Variants in EXOC4 observed in about 807,000 individuals in gnomAD.
The protein encoded by EXOC4 is SEC8-like 1.
EXOC4 carries 71 observed loss-of-function variants against 107.2 expected under a neutral mutation model. That is an observed-to-expected ratio of 0.66 (90% CI 0.55 to 0.81). The LOEUF (loss-of-function observed/expected upper bound fraction) is 0.81, where lower values mean the gene tolerates loss of function less well. Ranked by LOEUF, EXOC4 falls within the 30% of genes least tolerant of loss-of-function variation. The probability of loss-of-function intolerance (pLI) is 0.00; values close to 1 mark genes in which losing one functional copy is unlikely to be tolerated. For missense variants in EXOC4, 1,108 were observed against 1,189.6 expected (o/e 0.93, Z 1.01); for synonymous variants, 456 against 441.2 (o/e 1.03, Z -0.42).
chr7:134,082,740 A>T, the EXOC4 span, among the ~76,000 whole-genome samples: 1 of 152,096 alleles, frequency 6.6e-6, no homozygotes, highest in African/African-American at 2.4e-5. Flanking sequence ...TACCCGGCCT[A>T]CTACAACCTG....
At chr7:133,277,113 C>A (rs561093403) in intron 2 of EXOC4, among the ~76,000 whole-genome samples, 1 of 152,234 alleles carries the variant, frequency 6.6e-6, no homozygotes, top group South Asian at 2.1e-4. Flanking sequence ...AGGCATGCGC[C>A]ACCACGCCTG....
At chr7:133,606,496 T>TTTATTA (rs538187978) in intron 9 of EXOC4, among the ~76,000 whole-genome samples, 9 of 147,348 alleles carry the variant, frequency 6.1e-5, no homozygotes, top group African/African-American at 2.0e-4. Flanking sequence ...TTTGCTGCTG[T>TTTATTA]TTATTATTAT....
At chr7:133,565,182 A>G (rs1233686300) in intron 9 of EXOC4, among the ~76,000 whole-genome samples, 1 of 152,148 alleles carries the variant, frequency 6.6e-6, no homozygotes, top group African/African-American at 2.4e-5. Context: ...CTAATTCCCA[A>G]GGATTGGACA....
intron 2 of EXOC4, among the ~76,000 whole-genome samples, chr7:133,278,343 C>T (rs905870683): frequency 3.9e-5 from 6 of 152,166 alleles, no homozygotes; most frequent in African/African-American, 1.4e-4. Flanking sequence ...AGACAGACTA[C>T]AGACTATAAG....
intron 3 of EXOC4, chr7:133,290,805 T>TC (rs1320001056): frequency 6.6e-5 from 10 of 152,332 alleles, no homozygotes. Flanking sequence ...TTACAGAAAT[T>TC]CAACTCTAGC....
intron 14 of EXOC4, among the ~76,000 whole-genome samples, chr7:133,961,293 T>TTTTC (rs2116836189): frequency 7.2e-6 from 1 of 138,068 alleles, no homozygotes; most frequent in East Asian, 2.2e-4. Flanking sequence ...TTTTTTTTTT[T>TTTTC]TTTTTTTTTT....
At chr7:133,803,771 T>G (rs1224102558) in intron 10 of EXOC4, among the ~76,000 whole-genome samples, 1 of 152,104 alleles carries the variant, frequency 6.6e-6, no homozygotes, top group Non-Finnish European at 1.5e-5. Context: ...TGATTTAGCC[T>G]TACAGGGGAT....
intron 9 of EXOC4, among the ~76,000 whole-genome samples, chr7:133,613,428 C>G (rs906735486): frequency 2.6e-5 from 4 of 152,100 alleles, no homozygotes; most frequent in Admixed American, 6.6e-5. Context: ...TGTGAGCAGT[C>G]CATCTCTCCA....
At chr7:133,987,024 AT>A (rs968689591) in intron 14 of EXOC4, among the ~76,000 whole-genome samples, 4 of 151,388 alleles carry the variant, frequency 2.6e-5, no homozygotes, top group Admixed American at 2.6e-4. Flanking sequence ...TCCTATTTTT[AT>A]TTTTTTTTAA....
At chr7:133,282,057 T>G (rs1393481416) in intron 2 of EXOC4, among the ~76,000 whole-genome samples, 1 of 152,222 alleles carries the variant, frequency 6.6e-6, no homozygotes, top group African/African-American at 2.4e-5. Context: ...TCCCCAGGCC[T>G]GTGTCCATAA....
chr7:133,857,094 C>G (rs1798391945), intron 11 of EXOC4, among the ~76,000 whole-genome samples: 1 of 110,652 alleles, frequency 9.0e-6, no homozygotes, highest in Admixed American at 1.1e-4. Flanking sequence ...GAGACTCCGT[C>G]TTTATATATA....
At chr7:133,553,393 C>T (rs972315449) in intron 9 of EXOC4, among the ~76,000 whole-genome samples, 1 of 152,120 alleles carries the variant, frequency 6.6e-6, no homozygotes, top group Admixed American at 6.6e-5. Context: ...AAATATGTTA[C>T]TTTCCTTTTC....
At chr7:133,910,749 C>A (rs7792546) in intron 12 of EXOC4, among the ~76,000 whole-genome samples, 70,989 of 152,004 alleles carry the variant, frequency 0.47, 17,884 homozygotes, top group African/African-American at 0.65. Flanking sequence ...CGGCACTTTA[C>A]TTTGGACCAG....
chr7:133,550,949 G>C (rs1800575236), intron 9 of EXOC4, among the ~76,000 whole-genome samples: 1 of 151,874 alleles, frequency 6.6e-6, no homozygotes, highest in African/African-American at 2.4e-5. Flanking sequence ...TACACGAAGA[G>C]TTGTGGCTTT....
chr7:133,736,105 T>A (rs1795439560), intron 10 of EXOC4, among the ~76,000 whole-genome samples: 1 of 152,012 alleles, frequency 6.6e-6, no homozygotes, highest in African/African-American at 2.4e-5. Context: ...AAAAAGATAT[T>A]TATTTTCTCT....
intron 11 of EXOC4, among the ~76,000 whole-genome samples, chr7:133,869,065 G>A (rs556193461): frequency 7.5e-4 from 108 of 144,576 alleles, no homozygotes; most frequent in African/African-American, 2.7e-3. Flanking sequence ...AGCCTTTCTA[G>A]TTACCCTCCC....
At chr7:133,425,059 G>T (rs1797692964) in intron 7 of EXOC4, among the ~76,000 whole-genome samples, 1 of 151,620 alleles carries the variant, frequency 6.6e-6, no homozygotes, top group African/African-American at 2.4e-5. Context: ...CCCTATGAGG[G>T]AAGGCATGGA....
At chr7:133,861,338 T>C (rs1423384974) in intron 11 of EXOC4, among the ~76,000 whole-genome samples, 2 of 152,168 alleles carry the variant, frequency 1.3e-5, no homozygotes, top group Non-Finnish European at 1.5e-5. Flanking sequence ...CAAAATAATC[T>C]GTACACCAAA....
chr7:133,372,755 C>A (rs1796405599), intron 6 of EXOC4, among the ~76,000 whole-genome samples: 1 of 152,188 alleles, frequency 6.6e-6, no homozygotes, highest in Non-Finnish European at 1.5e-5. Flanking sequence ...ACATTAGACA[C>A]CAGTGTGCCT....
Sources: gnomAD v4.1 joint callset for allele counts (sites outside exome capture counted in the v4.1 genomes callset) on GRCh38, gnomAD v4.1.1 for gene constraint, MANE v1.5 for transcripts, NCBI Gene and HGNC (gene_info 2026-07-23, HGNC 2026-07-21) for gene names.